PTPRD: variants seen among roughly 807,000 people sequenced by gnomAD.
PTPRD encodes the protein receptor-type tyrosine-protein phosphatase delta.
Under a neutral mutation model 214.5 loss-of-function variants are expected in PTPRD, and 34 were observed. That is an observed-to-expected ratio of 0.16 (90% confidence interval 0.12 to 0.21). The LOEUF (loss-of-function observed/expected upper bound fraction) is 0.21, where lower values mean the gene tolerates loss of function less well. PTPRD is among the 10% of genes least tolerant of loss of function. The probability of loss-of-function intolerance (pLI) is 1.00; values close to 1 mark genes in which losing one functional copy is unlikely to be tolerated. For synonymous variants in PTPRD, 1,128 were observed against 845.7 expected (o/e 1.33, Z -5.79); for missense variants, 2,545 against 2,398.7 (o/e 1.06, Z -1.27).
At chr9:9,258,189 A>T (rs564364478) in intron 9 of PTPRD, among the ~76,000 whole-genome samples, 48 of 152,062 alleles carry the variant, frequency 3.2e-4, no homozygotes, top group African/African-American at 9.4e-4. Flanking sequence ...AGCTGCAAAA[A>T]TAAGTGAAAG....
intron 5 of PTPRD, among the ~76,000 whole-genome samples, chr9:9,912,721 T>A (rs1421690911): frequency 6.6e-6 from 1 of 152,212 alleles, no homozygotes; most frequent in Non-Finnish European, 1.5e-5. Flanking sequence ...AATAAAATGA[T>A]GTCAGAAGCC....
intron 5 of PTPRD, among the ~76,000 whole-genome samples, chr9:9,819,680 G>C (rs1004148490): frequency 4.6e-5 from 7 of 151,928 alleles, no homozygotes; most frequent in African/African-American, 1.7e-4. Flanking sequence ...CCCTCTTCTA[G>C]TAGTCCCCAG....
chr9:9,195,086 G>GTATATATATATATATATATATATA (rs540804635), intron 9 of PTPRD, among the ~76,000 whole-genome samples: 43 of 131,158 alleles, frequency 3.3e-4, no homozygotes, highest in Middle Eastern at 4.0e-3. Flanking sequence ...GTGTGTTTGT[G>GTATATATATATATATATATATATA]TATATATATA....
intron 4 of PTPRD, among the ~76,000 whole-genome samples, chr9:10,014,696 G>T (rs1486624155): frequency 6.6e-6 from 1 of 151,972 alleles, no homozygotes; most frequent in Non-Finnish European, 1.5e-5. Flanking sequence ...AACAAGGAAA[G>T]GAGAGAAACA....
chr9:10,203,467 C>T (rs2099443440), intron 3 of PTPRD, among the ~76,000 whole-genome samples: 1 of 152,026 alleles, frequency 6.6e-6, no homozygotes, highest in South Asian at 2.1e-4. Context: ...AGGCCACACC[C>T]ACATTTTGAA....
At chr9:10,424,313 T>TTCTCTCTCTCTCTCTCTCTCTCTC (rs35994999) in intron 2 of PTPRD, among the ~76,000 whole-genome samples, 6 of 145,480 alleles carry the variant, frequency 4.1e-5, no homozygotes, top group Admixed American at 1.4e-4. Flanking sequence ...TGGTTTCCTT[T>TTCTCTCTCTCTCTCTCTCTCTCTC]TCTCTCTCTC....
chr9:8,753,141 A>G (rs2093682253), intron 11 of PTPRD, among the ~76,000 whole-genome samples: 1 of 152,220 alleles, frequency 6.6e-6, no homozygotes, highest in Non-Finnish European at 1.5e-5. Flanking sequence ...TCTGTGATTT[A>G]GAATATCAGA....
chr9:10,134,556 C>T (rs748714949), intron 3 of PTPRD, among the ~76,000 whole-genome samples: 6 of 152,036 alleles, frequency 3.9e-5, no homozygotes, highest in Non-Finnish European at 8.8e-5. Flanking sequence ...TTTTCCAGCA[C>T]GCTTCATCTG....
chr9:10,170,280 A>G (rs1434228121), intron 3 of PTPRD, among the ~76,000 whole-genome samples: 2 of 152,174 alleles, frequency 1.3e-5, no homozygotes, highest in African/African-American at 4.8e-5. Flanking sequence ...GTGGCCATTG[A>G]AAGAACTGGC....
intron 8 of PTPRD, among the ~76,000 whole-genome samples, chr9:9,441,882 A>G (rs1368012180): frequency 6.6e-6 from 1 of 152,214 alleles, no homozygotes; most frequent in African/African-American, 2.4e-5. Context: ...AACATCGCCT[A>G]TGTGATATGG....
chr9:9,359,269 A>T (rs1166532075), intron 9 of PTPRD, among the ~76,000 whole-genome samples: 1 of 151,322 alleles, frequency 6.6e-6, no homozygotes, highest in African/African-American at 2.4e-5. Flanking sequence ...GCATTAGTCT[A>T]AATGTGGCTT....
Position 10,065,180 on chromosome 9 carries a change from A to AAAGG in PTPRD, c.-544-31391_-544-31390insCCTT, listed in dbSNP as rs1555538043. Among the ~76,000 whole-genome samples, 1,488 of 150,316 alleles carry AAAGG rather than the reference A, an allele frequency of 9.9e-3. 16 individuals are homozygous for AAAGG. Among genetic ancestry groups the AAAGG allele is most frequent in the Middle Eastern group, 0.017 (5 of 292 alleles). ...GAAAGAAAGAAAGAAAGAAAGAAAGAAAGAAAGAAAGAAAAGGATGCTTTG... is the reference window on the plus strand; with the variant it reads ...GAAAGAAAGAAAGAAAGAAAGAAAGAAAGGAAGAAAGAAAGAAAAGGATGCTTTG... On this transcript the variant is annotated intron_variant, in intron 3 of 45. Transcript: ENST00000381196.
At chr9:9,260,838 C>T (rs552416259) in intron 9 of PTPRD, among the ~76,000 whole-genome samples, 9 of 151,972 alleles carry the variant, frequency 5.9e-5, no homozygotes, top group African/African-American at 1.9e-4. Context: ...AAATACAAGG[C>T]ATGACAATCA....
At chr9:9,844,645 C>T (rs1177128908) in intron 5 of PTPRD, among the ~76,000 whole-genome samples, 1 of 151,834 alleles carries the variant, frequency 6.6e-6, no homozygotes, top group Non-Finnish European at 1.5e-5. Flanking sequence ...CGACAAATTA[C>T]ACCAATTAAC....
intron 2 of PTPRD, among the ~76,000 whole-genome samples, chr9:10,346,550 A>G (rs2097087033): frequency 6.6e-6 from 1 of 152,244 alleles, no homozygotes; most frequent in Non-Finnish European, 1.5e-5. Context: ...ACTGCAAGTG[A>G]TATTAGAATT....
At chr9:9,111,111 A>G (rs1026031669) in intron 10 of PTPRD, among the ~76,000 whole-genome samples, 4 of 151,798 alleles carry the variant, frequency 2.6e-5, no homozygotes, top group African/African-American at 7.3e-5. Flanking sequence ...TATCTAGGTC[A>G]GGAACATCTG....
intron 3 of PTPRD, among the ~76,000 whole-genome samples, chr9:10,258,507 G>C (rs976814767): frequency 6.6e-6 from 1 of 152,118 alleles, no homozygotes; most frequent in Non-Finnish European, 1.5e-5. Context: ...ATTTATGTAA[G>C]CAATTGAGGT....
intron 21 of PTPRD, among the ~76,000 whole-genome samples, chr9:8,513,179 A>C (rs950896107): frequency 6.6e-6 from 1 of 152,056 alleles, no homozygotes; most frequent in African/African-American, 2.4e-5. Context: ...TAATCATCTC[A>C]ATGAAAGTCT....
chr9:10,141,753 T>A (rs1410158933), intron 3 of PTPRD, among the ~76,000 whole-genome samples: 1 of 152,002 alleles, frequency 6.6e-6, no homozygotes, highest in Non-Finnish European at 1.5e-5. Context: ...AAAAACTACT[T>A]TAAAGTTCAT....
Sources: allele counts gnomAD v4.1 joint callset (sites outside exome capture counted in the v4.1 genomes callset), GRCh38; gene constraint gnomAD v4.1.1; transcripts MANE v1.5; gene names NCBI Gene and HGNC (gene_info 2026-07-23, HGNC 2026-07-21).